TRDN: variants seen among roughly 807,000 people sequenced by gnomAD.
The protein encoded by TRDN is triadin.
Under a neutral mutation model 149.7 loss-of-function variants are expected in TRDN, and 161 were observed. That is an observed-to-expected ratio of 1.08 (90% confidence interval 0.95 to 1.23). The LOEUF (loss-of-function observed/expected upper bound fraction) is 1.23, where lower values mean the gene tolerates loss of function less well. Ranked by LOEUF, TRDN falls within the 50% of genes most tolerant of loss-of-function variation. The pLI is 0.00. For missense variants in TRDN, 896 were observed against 823.5 expected (o/e 1.09, Z -1.08); for synonymous variants, 294 against 250.5 (o/e 1.17, Z -1.64).
intron 8 of TRDN, 133 bp from the exon 9 acceptor site, chr6:123,497,385 A>C (rs1288518096): frequency 1.8e-6 from 1 of 541,662 alleles, no homozygotes; most frequent in East Asian, 3.6e-5. Context: ...TCTGTAAAAA[A>C]AATAATTTGC....
chr6:123,274,064 C>T (rs1049834228), intron 27 of TRDN, among the ~76,000 whole-genome samples: 5 of 151,948 alleles, frequency 3.3e-5, no homozygotes, highest in Admixed American at 6.6e-5. Flanking sequence ...ACTTGAAAAT[C>T]CTGGAATAAT....
chr6:123,592,680 T>C (rs191697774), intron 1 of TRDN, among the ~76,000 whole-genome samples: 1 of 152,324 alleles, frequency 6.6e-6, no homozygotes, highest in African/African-American at 2.4e-5. Context: ...TTGACTAAGC[T>C]TATTCAAGCA....
In TRDN at chr6:123,551,342, T is replaced by TATACAC. The variant is rs1554256527; in HGVS notation, c.233-2731_233-2730insGTGTAT. Reference sequence around the variant, plus strand: ...TGGACCACTTCTTCCAAAACCTAAATACACACACACACACACACACACACA... The same window carrying TATACAC: ...TGGACCACTTCTTCCAAAACCTAAATATACACACACACACACACACACACACACACA... On this transcript the variant is annotated intron_variant, in intron 2 of 40. Transcript: ENST00000334268. 2.8e-3 allele frequency among the ~76,000 whole-genome samples: 395 copies of TATACAC among 141,194 alleles called. 1 individual carries two copies. Among genetic ancestry groups the TATACAC allele is most frequent in the African/African-American group, 9.2e-3 (345 of 37,422 alleles). The allele number at this position is 141,194 out of a possible 152,430, so 92.6% of individuals were successfully genotyped here. A position where few individuals can be genotyped will look rare whatever the true frequency, so the allele number is the denominator to read the frequency against.
At chr6:123,374,587 G>T (rs1383935640) in intron 19 of TRDN, among the ~76,000 whole-genome samples, 1 of 151,826 alleles carries the variant, frequency 6.6e-6, no homozygotes, top group Non-Finnish European at 1.5e-5. Flanking sequence ...TTTAAAAAAA[G>T]ACATTCCTAT....
rs760329995 is a variant in TRDN, at chr6:123,382,174, T to TAAAACAGATACAATA, written c.1136-42_1136-28dup. ...TGAAAACACAAAGATAAATTATTAATAAAACAGATACAATAAATCAACAGC... is the reference window on the plus strand; with the variant it reads ...TGAAAACACAAAGATAAATTATTAATAAAACAGATACAATAAAAACAGATACAATAAATCAACAGC... On this transcript the variant is annotated intron_variant, in intron 14 of 40. Coordinates refer to ENST00000334268, the MANE Select transcript of TRDN (RefSeq NM_006073.4). 14 of 1,450,190 alleles carry TAAAACAGATACAATA rather than the reference T, an allele frequency of 9.7e-6. No homozygotes were observed. The East Asian group carries it at 2.4e-4, about 25-fold the overall frequency. The allele number at this position is 1,450,190 out of a possible 1,614,324, so 89.8% of individuals were successfully genotyped here. A position where few individuals can be genotyped will look rare whatever the true frequency, so the allele number is the denominator to read the frequency against.
intron 12 of TRDN, among the ~76,000 whole-genome samples, chr6:123,433,618 T>C (rs1774433130): frequency 1.3e-5 from 2 of 152,184 alleles, no homozygotes; most frequent in Non-Finnish European, 2.9e-5. Context: ...TTGTAATTTA[T>C]AGTTCTATAC....
chr6:123,435,952 A>C (rs1774543757), intron 12 of TRDN, among the ~76,000 whole-genome samples: 1 of 151,910 alleles, frequency 6.6e-6, no homozygotes, highest in African/African-American at 2.4e-5. Context: ...AACAAGTTTC[A>C]TCATTTCCCT....
At position 123,317,399 on chromosome 6, in the gene TRDN, TG is replaced by T. The variant is rs1377926017; in HGVS notation, c.1472-905del. ...AAGGGATAATGCTACCAGCTTTATT[TG>T]GGTTTTAGTCTAGCAGTGTCTCATT... On this transcript the variant is annotated intron_variant, in intron 23 of 40. Transcript: ENST00000334268. Among the ~76,000 whole-genome samples, 4 of 152,094 alleles carry T rather than the reference TG, an allele frequency of 2.6e-5. No homozygotes were observed. In the South Asian group the frequency reaches 6.2e-4, roughly 24 times the overall value.
At chr6:123,272,224 T>C (rs1777227790) in intron 29 of TRDN, among the ~76,000 whole-genome samples, 1 of 152,002 alleles carries the variant, frequency 6.6e-6, no homozygotes, top group African/African-American at 2.4e-5. Flanking sequence ...TTAGAGCAAG[T>C]ATGTTTTTCA....
At chr6:123,579,514 T>A (rs542843505) in intron 1 of TRDN, among the ~76,000 whole-genome samples, 1 of 152,220 alleles carries the variant, frequency 6.6e-6, no homozygotes, top group African/African-American at 2.4e-5. Context: ...ATCGATTAGC[T>A]TTTTGATGTG....
At chr6:123,468,787 T>C (rs1193830074) in intron 9 of TRDN, 1 of 152,204 alleles carries the variant, frequency 6.6e-6, no homozygotes, top group African/African-American at 2.4e-5. Flanking sequence ...TTTTTTTCTC[T>C]ACCATCTAAT....
intron 21 of TRDN, among the ~76,000 whole-genome samples, chr6:123,346,224 T>A (rs1395492490): frequency 6.6e-6 from 1 of 151,982 alleles, no homozygotes; most frequent in Non-Finnish European, 1.5e-5. Flanking sequence ...TTGCTGAGAG[T>A]TTTTAACCAT....
intron 1 of TRDN, among the ~76,000 whole-genome samples, chr6:123,592,466 C>T (rs963746339): frequency 2.0e-5 from 3 of 152,100 alleles, no homozygotes; most frequent in South Asian, 2.1e-4. Flanking sequence ...ACAGGCAGGA[C>T]GTCACTTTCC....
chr6:123,475,902 C>T (rs561718836), intron 9 of TRDN, among the ~76,000 whole-genome samples: 104 of 151,470 alleles, frequency 6.9e-4, no homozygotes, highest in African/African-American at 2.1e-3. Flanking sequence ...ATTGATGGGC[C>T]GTATTTCAAA....
At chr6:123,359,183 T>C (rs1186416461) in intron 20 of TRDN, among the ~76,000 whole-genome samples, 1 of 152,200 alleles carries the variant, frequency 6.6e-6, no homozygotes, top group Non-Finnish European at 1.5e-5. Context: ...TCTCAGGTGA[T>C]GCTAACTACT....
chr6:123,478,952 T>G (rs1486155436), intron 9 of TRDN, among the ~76,000 whole-genome samples: 1 of 152,178 alleles, frequency 6.6e-6, no homozygotes, highest in Non-Finnish European at 1.5e-5. Context: ...TTTTTAAATC[T>G]TCAGTAGACA....
Position 123,267,731 on chromosome 6 carries a change from T to C in TRDN, c.1759A>G (p.Arg587Gly), listed in dbSNP as rs1045837438. The C allele has an allele frequency of 1.9e-6, 3 of 1,580,698 alleles. No individual in the cohort carries two copies. Among genetic ancestry groups the C allele is most frequent in the Non-Finnish European group, 1.7e-6 (2 of 1,162,558 alleles). ...CCTGTTTTTATAGATGGAGGTTCTC[T>C]TTCTCGATGTTCAGCTTTTTCTAGA... Reference protein sequence around the residue: ...KPTKKAEHREREPPSIKTDKP... With the variant: ...KPTKKAEHREGEPPSIKTDKP... The change falls in exon 32 of 41, where the codon AGA (arginine) becomes GGA (glycine). Residue 587 changes from arginine (R) to glycine (G), a missense_variant. Coordinates refer to ENST00000334268, the MANE Select transcript of TRDN (RefSeq NM_006073.4).
chr6:123,519,320 T>C (rs898605906), intron 5 of TRDN, among the ~76,000 whole-genome samples: 7 of 149,150 alleles, frequency 4.7e-5, no homozygotes, highest in Non-Finnish European at 8.8e-5. Context: ...TCAGCTCAAC[T>C]GGACCCAAGC....
chr6:123,535,149 A>G (rs574511536), intron 4 of TRDN, among the ~76,000 whole-genome samples: 121 of 152,062 alleles, frequency 8.0e-4, no homozygotes, highest in Non-Finnish European at 1.6e-3. Flanking sequence ...GAATTTTGAG[A>G]AGGGAAGAAG....
Sources: allele counts gnomAD v4.1 joint callset (sites outside exome capture counted in the v4.1 genomes callset), GRCh38; gene constraint gnomAD v4.1.1; transcripts MANE v1.5; gene names NCBI Gene and HGNC (gene_info 2026-07-23, HGNC 2026-07-21).